ADAM28: variants seen among roughly 807,000 people sequenced by gnomAD.
The protein encoded by ADAM28 is disintegrin and metalloproteinase domain-containing protein 28.
A neutral mutation model predicts 101.2 loss-of-function variants in ADAM28; 105 were observed. The observed-to-expected ratio is 1.04, with a 90% CI of 0.89 to 1.22. The LOEUF (loss-of-function observed/expected upper bound fraction) is 1.22. ADAM28 is among the 50% of genes most tolerant of loss of function. The pLI is 0.00. For missense variants in ADAM28, 1,028 were observed against 945.4 expected (o/e 1.09, Z -1.15); for synonymous variants, 322 against 310.6 (o/e 1.04, Z -0.39).
intron 21 of ADAM28, among the ~76,000 whole-genome samples, chr8:24,353,010 G>A (rs189289386): frequency 2.6e-5 from 4 of 152,260 alleles, no homozygotes; most frequent in African/African-American, 9.6e-5. Context: ...TTATCAGGAT[G>A]TGTACTTTTG....
chr8:24,320,448 A>C, intron 7 of ADAM28, 141 bp downstream of exon 7: 4 of 619,864 alleles, frequency 6.5e-6, no homozygotes. Flanking sequence ...TAAAACTATG[A>C]AATTTGACAT....
At chr8:24,321,365 T>C in intron 8 of ADAM28, 76 bp downstream of exon 8, 1 of 1,217,274 alleles carries the variant, frequency 8.2e-7, no homozygotes, top group South Asian at 1.2e-5. Context: ...TGAACGCACA[T>C]GAAGCATGGA....
At chr8:24,301,480 GA>G (rs200888452) in intron 2 of ADAM28, among the ~76,000 whole-genome samples, 50 of 149,604 alleles carry the variant, frequency 3.3e-4, no homozygotes, top group South Asian at 2.5e-3. Context: ...ATAAAAGTTG[GA>G]AAAAAAAATA....
chr8:24,350,864 GTTTTTT>G (rs35073591), intron 19 of ADAM28, among the ~76,000 whole-genome samples: 8,596 of 148,078 alleles, frequency 0.058, 373 homozygotes, highest in African/African-American at 0.1. Flanking sequence ...GCACAACGGT[GTTTTTT>G]TTTTTTTTTT....
At position 24,354,714 on chromosome 8, in the gene ADAM28, C is replaced by A; in HGVS notation, c.*310C>A. 4.5e-6 allele frequency: 1 copy of A among 221,964 alleles called. No homozygotes were observed. Among genetic ancestry groups the A allele is most frequent in the Non-Finnish European group, 8.8e-6 (1 of 113,656 alleles). The allele number at this position is 221,964 out of a possible 1,614,324, so 13.7% of individuals were successfully genotyped here. A position where few individuals can be genotyped will look rare whatever the true frequency, so the allele number is the denominator to read the frequency against. On this transcript the variant is annotated 3_prime_UTR_variant, in exon 23 of 23. Transcript: ENST00000265769. ...GATTCATTCTCTAATGAAAACAAAA[C>A]ATAAAAACATCACACTAATCTTGGA...
Position 24,350,625 on chromosome 8 carries a change from T to C in ADAM28, c.2100-607T>C, listed in dbSNP as rs370665916. On this transcript the variant is annotated intron_variant, in intron 19 of 22. Transcript: ENST00000265769. ...CACACCCGGCCGTGTGCTAAGCCCT[T>C]TTATATCTATTATCTTATTTACACT... Among the ~76,000 whole-genome samples, 47 of 152,298 alleles carry C rather than the reference T, an allele frequency of 3.1e-4. No homozygotes were observed. The South Asian group carries it at 7.9e-3, about 26-fold the overall frequency.
Position 24,354,685 on chromosome 8 carries a change from AATTG to A in ADAM28, c.*285_*288del. 1 of 287,082 alleles carries A rather than the reference AATTG, an allele frequency of 3.5e-6. No individual in the cohort carries two copies. Among genetic ancestry groups the A allele is most frequent in the Non-Finnish European group, 6.5e-6 (1 of 153,594 alleles). 17.8% of individuals were successfully genotyped at this position (287,082 alleles called of 1,614,324 possible). On this transcript the variant is annotated 3_prime_UTR_variant, in exon 23 of 23. Transcript: ENST00000265769. ...CTCCGAAGTTAAAATCTGTAATAGG[AATTG>A]ATTCATTCTCTAATGAAAACAAAAC... is the stretch of plus-strand genomic sequence containing the variant.
intron 14 of ADAM28, among the ~76,000 whole-genome samples, chr8:24,338,127 C>T (rs1814314396): frequency 6.6e-6 from 1 of 152,232 alleles, no homozygotes; most frequent in African/African-American, 2.4e-5. Context: ...TTTACTCCTT[C>T]TCCTAGCAAT....
intron 12 of ADAM28, 142 bp from the exon 13 acceptor site, chr8:24,332,518 A>T: frequency 2.5e-6 from 1 of 404,280 alleles, no homozygotes; most frequent in Non-Finnish European, 4.4e-6. Context: ...AGGTTTTCTA[A>T]TTTTTTTTAT....
intron 1 of ADAM28, among the ~76,000 whole-genome samples, chr8:24,294,932 T>G (rs1807763238): frequency 6.6e-6 from 1 of 152,188 alleles, no homozygotes; most frequent in Admixed American, 6.5e-5. Flanking sequence ...TTCTTCAGCT[T>G]CTATTTCCAG....
chr8:24,308,683 C>T (rs1810030831), intron 2 of ADAM28: 1 of 456,240 alleles, frequency 2.2e-6, no homozygotes, highest in Non-Finnish European at 4.4e-6. Flanking sequence ...TCAACCTCTA[C>T]TTATCTAGGC....
chr8:24,342,903 GACT>G, intron 16 of ADAM28, 195 bp from the exon 17 acceptor site: 3 of 891,614 alleles, frequency 3.4e-6, no homozygotes, highest in East Asian at 2.8e-5. Context: ...TTCTTAGATA[GACT>G]TTATCAACCT....
intron 9 of ADAM28, 125 bp downstream of exon 9, chr8:24,324,128 G>A: frequency 1.3e-6 from 1 of 742,654 alleles, no homozygotes; most frequent in Non-Finnish European, 2.0e-6. Context: ...TGGATTATAT[G>A]TCAAATATGC....
chr8:24,330,932 GC>G (rs1035413893), intron 11 of ADAM28, among the ~76,000 whole-genome samples: 17 of 152,066 alleles, frequency 1.1e-4, no homozygotes, highest in Non-Finnish European at 2.1e-4. Context: ...ATTAAAAGTG[GC>G]CTGGATGCTA....
intron 14 of ADAM28, among the ~76,000 whole-genome samples, chr8:24,336,606 A>G (rs2129319079): frequency 1.3e-5 from 2 of 150,996 alleles, no homozygotes; most frequent in South Asian, 2.1e-4. Flanking sequence ...AAAAGAAAAA[A>G]AAAGAAAAAT....
At chr8:24,321,078 G>A in intron 7 of ADAM28, 140 bp from the exon 8 acceptor site, 2 of 581,598 alleles carry the variant, frequency 3.4e-6, no homozygotes, top group Non-Finnish European at 6.0e-6. Context: ...GAATTAATTT[G>A]ATTCTAACTT....
At chr8:24,302,032 A>G (rs998649879) in intron 2 of ADAM28, among the ~76,000 whole-genome samples, 1 of 152,124 alleles carries the variant, frequency 6.6e-6, no homozygotes, top group Non-Finnish European at 1.5e-5. Flanking sequence ...TGCACCTATC[A>G]ACCCATCACC....
intron 8 of ADAM28, among the ~76,000 whole-genome samples, chr8:24,322,116 AT>A (rs1563291488): frequency 1.3e-5 from 2 of 151,798 alleles, no homozygotes; most frequent in African/African-American, 4.8e-5. Flanking sequence ...AAATAAAAAA[AT>A]AATACATTTC....
At chr8:24,335,874 T>C (rs1275983336) in intron 14 of ADAM28, 1 of 1,216,592 alleles carries the variant, frequency 8.2e-7, no homozygotes, top group Non-Finnish European at 1.0e-6. Flanking sequence ...TTTTTGTTAA[T>C]TTTTTGTTTT....
Sources: gnomAD v4.1 joint callset for allele counts (sites outside exome capture counted in the v4.1 genomes callset) on GRCh38, gnomAD v4.1.1 for gene constraint, MANE v1.5 for transcripts, NCBI Gene and HGNC (gene_info 2026-07-23, HGNC 2026-07-21) for gene names.